The following OTUD3 variants were observed in gnomAD, a reference collection of about 807,000 sequenced individuals.
OTUD3 encodes the protein OTU domain-containing protein 3.
A neutral mutation model predicts 46.2 loss-of-function variants in OTUD3; 24 were observed. The observed-to-expected ratio is 0.52, with a 90% CI of 0.38 to 0.73. The LOEUF (loss-of-function observed/expected upper bound fraction) is 0.73. OTUD3 is among the 30% of genes least tolerant of loss of function. The pLI is 0.00. For synonymous variants in OTUD3, 189 were observed against 195.4 expected (o/e 0.97, Z 0.27); for missense variants, 455 against 523.3 (o/e 0.87, Z 1.27).
In OTUD3 at chr1:19,908,409, C is replaced by T. The variant is rs2045691917; in HGVS notation, c.*663C>T. ...CAGGTGCTGTTAGTTCATTTGCACT[C>T]AAGCCATATGATAAATGCAGCTGAC... On this transcript the variant is annotated 3_prime_UTR_variant, in exon 8 of 8. Transcript: ENST00000375120. 1 of 152,344 alleles carries T rather than the reference C, an allele frequency of 6.6e-6. No homozygotes were observed. Among genetic ancestry groups the T allele is most frequent in the South Asian group, 2.1e-4 (1 of 4,828 alleles). The allele number at this position is 152,344 out of a possible 1,614,324, so 9.4% of individuals were successfully genotyped here.
In OTUD3 at chr1:19,894,356, A is replaced by T. The variant is rs1038708387; in HGVS notation, c.371-12A>T. 2.0e-6 allele frequency: 3 copies of T among 1,518,792 alleles called. No individual in the cohort carries two copies. The highest frequency in any genetic ancestry group is 1.4e-5 in the African/African-American group (1 of 72,432). The allele number at this position is 1,518,792 out of a possible 1,614,324, so 94.1% of individuals were successfully genotyped here. A position where few individuals can be genotyped will look rare whatever the true frequency, so the allele number is the denominator to read the frequency against. Reference sequence around the variant, plus strand: ...TATAAAGACGTCATTTTTCTTTCCTATTTCCATGCAGTGGCCAGTTTGGCA... The same window carrying T: ...TATAAAGACGTCATTTTTCTTTCCTTTTTCCATGCAGTGGCCAGTTTGGCA... On this transcript the variant is annotated splice_polypyrimidine_tract_variant and intron_variant, in intron 2 of 7. Transcript: ENST00000375120.
At chr1:19,883,636 C>G (rs1209516908) in intron 1 of OTUD3, among the ~76,000 whole-genome samples, 1 of 151,938 alleles carries the variant, frequency 6.6e-6, no homozygotes, top group East Asian at 1.9e-4. Context: ...AAGGAATTGC[C>G]TTAGTTCATT....
intron 4 of OTUD3, among the ~76,000 whole-genome samples, chr1:19,902,779 C>G (rs1214910164): frequency 6.6e-6 from 1 of 151,932 alleles, no homozygotes; most frequent in Non-Finnish European, 1.5e-5. Context: ...ATATCATCTA[C>G]AAAGACAGAT....
At chr1:19,893,166 C>T (rs1249794631) in intron 2 of OTUD3, among the ~76,000 whole-genome samples, 2 of 152,176 alleles carry the variant, frequency 1.3e-5, no homozygotes, top group East Asian at 3.8e-4. Context: ...GGCTTATGTT[C>T]ACCACCTGGA....
chr1:19,904,791 C>T (rs2045635301), intron 5 of OTUD3, 100 bp from the exon 6 acceptor site: 2 of 674,286 alleles, frequency 3.0e-6, no homozygotes, highest in East Asian at 2.5e-5. Flanking sequence ...TTAATTCTCA[C>T]TATTACATCT....
chr1:19,904,874 G>C lies in OTUD3; in HGVS notation c.739-17G>C. The C allele has an allele frequency of 7.7e-7, 1 of 1,304,206 alleles. No homozygotes were observed. The highest frequency in any genetic ancestry group is 1.1e-6 in the Non-Finnish European group (1 of 915,146). 80.8% of individuals were successfully genotyped at this position (1,304,206 alleles called of 1,614,324 possible). ...GAGTTTTGAAGTGGTTTTTTTGTTT[G>C]TTTGTTTCTTGGATAGGATTTTAAT... On this transcript the variant is annotated splice_polypyrimidine_tract_variant and intron_variant, in intron 5 of 7. Transcript: ENST00000375120.
intron 4 of OTUD3, chr1:19,897,944 CA>C (rs2100290379): frequency 4.8e-6 from 1 of 206,460 alleles, no homozygotes; most frequent in Admixed American, 6.0e-5. Flanking sequence ...AATTAATCCA[CA>C]CCTTTTTTTT....
chr1:19,885,845 C>T (rs1481710930), intron 1 of OTUD3, among the ~76,000 whole-genome samples: 1 of 152,152 alleles, frequency 6.6e-6, no homozygotes, highest in East Asian at 1.9e-4. Context: ...TCTAGCGTTC[C>T]CTGTTTTCAT....
intron 4 of OTUD3, among the ~76,000 whole-genome samples, chr1:19,901,099 G>A (rs749494689): frequency 8.6e-5 from 13 of 151,438 alleles, no homozygotes; most frequent in African/African-American, 2.9e-4. Context: ...TAGTAGAGAC[G>A]GGGTTTCACC....
intron 1 of OTUD3, among the ~76,000 whole-genome samples, chr1:19,889,580 T>A (rs2045419921): frequency 6.6e-6 from 1 of 152,234 alleles, no homozygotes; most frequent in Non-Finnish European, 1.5e-5. Context: ...CTTGTTTGAG[T>A]CTCTGTGTAT....
chr1:19,882,645 C>G lies in OTUD3; in HGVS notation c.132C>G (p.Gly44=). ...AGCGGCGGAATCGGCCGGAGTCTGG[C>G]GGCGGCGGCGGCTGCGAGGAGGAGT... ...AKERRNRPES[G]GGGGCEEEFV... is the part of the protein sequence containing the mutation. The change falls in exon 1 of 8, where the codon GGC becomes GGG. Residue 44 remains glycine, a synonymous_variant. Transcript: ENST00000375120. 7.0e-7 allele frequency: 1 copy of G among 1,435,796 alleles called. No individual in the cohort carries two copies. The highest frequency in any genetic ancestry group is 9.1e-7 in the Non-Finnish European group (1 of 1,094,070). The allele number at this position is 1,435,796 out of a possible 1,614,324, so 88.9% of individuals were successfully genotyped here.
In OTUD3 at chr1:19,892,306, T is replaced by G. The variant is rs1051301617; in HGVS notation, c.370+1773T>G. ...GTGTGTCAGTTGAAGGCTTGGCTTG[T>G]TACATTGGTGAGTCTTGAGTCATAG... On this transcript the variant is annotated intron_variant, in intron 2 of 7. Transcript: ENST00000375120. Among the ~76,000 whole-genome samples, 3 of 152,308 alleles carry G rather than the reference T, an allele frequency of 2.0e-5. No homozygotes were observed. In the South Asian group the frequency reaches 6.2e-4, roughly 32 times the overall value.
chr1:19,884,595 A>G (rs1354714673), intron 1 of OTUD3, among the ~76,000 whole-genome samples: 1 of 151,782 alleles, frequency 6.6e-6, no homozygotes, highest in Non-Finnish European at 1.5e-5. Context: ...GGTTATAGCT[A>G]TGAGTATTTA....
rs2045727951 is a variant in OTUD3 at position 19,911,098 on chromosome 1, C to T, written c.*3352C>T. 1 of 152,342 alleles carries T rather than the reference C, an allele frequency of 6.6e-6. No individual in the cohort carries two copies. The highest frequency in any genetic ancestry group is 1.5e-5 in the Non-Finnish European group (1 of 68,048). 9.4% of individuals were successfully genotyped at this position (152,342 alleles called of 1,614,324 possible). On this transcript the variant is annotated 3_prime_UTR_variant, in exon 8 of 8. Transcript: ENST00000375120. ...TAAAAGTTACCCTGACCAAAAGGAT[C>T]TCTGCGGGGGGAAGAGAATGGAGCT...
At chr1:19,887,063 A>G (rs2045372687) in intron 1 of OTUD3, among the ~76,000 whole-genome samples, 1 of 150,304 alleles carries the variant, frequency 6.7e-6, no homozygotes, top group South Asian at 2.1e-4. Flanking sequence ...TTGATCTCTC[A>G]TATTTTCTTT....
At chr1:19,905,067 C>G in intron 6 of OTUD3, 80 bp downstream of exon 6, 1 of 808,262 alleles carries the variant, frequency 1.2e-6, no homozygotes, top group East Asian at 2.5e-5. Flanking sequence ...TTAACCAAGT[C>G]ACAGGTGGTA....
At chr1:19,896,006 T>G (rs543317913) in intron 3 of OTUD3, among the ~76,000 whole-genome samples, 2 of 152,294 alleles carry the variant, frequency 1.3e-5, no homozygotes, top group South Asian at 4.1e-4. Context: ...ATTTCTGTAG[T>G]GTTCTCTTTC....
At chr1:19,889,589 A>G (rs939360303) in intron 1 of OTUD3, among the ~76,000 whole-genome samples, 1 of 152,234 alleles carries the variant, frequency 6.6e-6, no homozygotes, top group Non-Finnish European at 1.5e-5. Flanking sequence ...GTCTCTGTGT[A>G]TCTAAGCCTC....
At chr1:19,895,241 A>C (rs1557677360) in intron 3 of OTUD3, among the ~76,000 whole-genome samples, 1 of 152,208 alleles carries the variant, frequency 6.6e-6, no homozygotes, top group Non-Finnish European at 1.5e-5. Flanking sequence ...TCCTTTGTAA[A>C]TTGCTCAGTC....
Sources: allele counts gnomAD v4.1 joint callset (sites outside exome capture counted in the v4.1 genomes callset), GRCh38; gene constraint gnomAD v4.1.1; transcripts MANE v1.5; gene names NCBI Gene and HGNC (gene_info 2026-07-23, HGNC 2026-07-21).